SOX5: variants seen among roughly 807,000 people sequenced by gnomAD.
SOX5 encodes transcription factor SOX-5.
In SOX5, 9 loss-of-function variants were observed where a neutral mutation model predicts 92.0. The observed-to-expected ratio is 0.10, with a 90% CI of 0.06 to 0.17. The LOEUF (loss-of-function observed/expected upper bound fraction) is 0.17, where lower values mean the gene tolerates loss of function less well. Among genes scored for constraint, SOX5 ranks in the 10% least tolerant of loss-of-function variants. SOX5 has a pLI of 1.00. For synonymous variants in SOX5, 344 were observed against 336.3 expected (o/e 1.02, Z -0.25); for missense variants, 642 against 944.5 (o/e 0.68, Z 4.20).
chr12:23,635,872 T>C (rs1321848023), intron 8 of SOX5, among the ~76,000 whole-genome samples: 2 of 151,906 alleles, frequency 1.3e-5, no homozygotes, highest in Non-Finnish European at 2.9e-5. Flanking sequence ...TATTAGTAGG[T>C]GGAATGAAAA....
At chr12:24,323,143 T>C (rs1162072795) in intron 2 of SOX5, among the ~76,000 whole-genome samples, 2 of 151,930 alleles carry the variant, frequency 1.3e-5, no homozygotes, top group African/African-American at 4.8e-5. Flanking sequence ...CCTATGGAGG[T>C]CATTAATCTG....
chr12:23,956,702 G>T (rs1376936261), intron 4 of SOX5, among the ~76,000 whole-genome samples: 2 of 151,598 alleles, frequency 1.3e-5, no homozygotes, highest in Non-Finnish European at 2.9e-5. Context: ...TTTAAGGGGA[G>T]GGGGACAGAG....
At chr12:23,701,333 G>A (rs1008943513) in intron 6 of SOX5, among the ~76,000 whole-genome samples, 1 of 151,546 alleles carries the variant, frequency 6.6e-6, no homozygotes, top group Admixed American at 6.6e-5. Context: ...AAGAGAAATT[G>A]GAATTCTGAG....
At chr12:23,607,524 CT>C (rs1282354002) in intron 8 of SOX5, among the ~76,000 whole-genome samples, 1 of 127,872 alleles carries the variant, frequency 7.8e-6, no homozygotes, top group Non-Finnish European at 1.9e-5. Context: ...AATTATGCTC[CT>C]TTTTCTCTCC....
chr12:23,578,141 A>AAAAAAAAAAAAAAAAAAC (rs1565983838), intron 9 of SOX5, among the ~76,000 whole-genome samples: 2 of 136,272 alleles, frequency 1.5e-5, no homozygotes, highest in African/African-American at 5.4e-5. Context: ...AAAAAAAAAA[A>AAAAAAAAAAAAAAAAAAC]AAAAAAAAAC....
intron 1 of SOX5, among the ~76,000 whole-genome samples, chr12:24,482,981 TA>T (rs1434157889): frequency 1.3e-5 from 2 of 152,146 alleles, no homozygotes; most frequent in South Asian, 4.1e-4. Flanking sequence ...AACATATGTG[TA>T]AAAAACATAT....
intron 9 of SOX5, among the ~76,000 whole-genome samples, chr12:23,591,949 T>C (rs1240340051): frequency 6.6e-6 from 1 of 151,984 alleles, no homozygotes; most frequent in Non-Finnish European, 1.5e-5. Flanking sequence ...TTCTCCTATT[T>C]ATGAAATATC....
At chr12:24,173,508 T>C (rs1378869361) in intron 4 of SOX5, among the ~76,000 whole-genome samples, 1 of 152,248 alleles carries the variant, frequency 6.6e-6, no homozygotes, top group Non-Finnish European at 1.5e-5. Flanking sequence ...CCTTTTCTGC[T>C]CATATTAGTT....
chr12:24,297,083 C>T (rs139694768), intron 2 of SOX5, among the ~76,000 whole-genome samples: 14 of 152,202 alleles, frequency 9.2e-5, no homozygotes, highest in African/African-American at 3.1e-4. Flanking sequence ...TATGCTAAGT[C>T]GTTTACAGTT....
intron 2 of SOX5, among the ~76,000 whole-genome samples, chr12:24,353,463 AG>A (rs1954373020): frequency 2.0e-5 from 3 of 152,154 alleles, no homozygotes. Context: ...AGTACAGAAA[AG>A]TTTGAAGCTA....
chr12:24,511,754 C>T (rs1435852703), intron 1 of SOX5, among the ~76,000 whole-genome samples: 2 of 151,950 alleles, frequency 1.3e-5, no homozygotes, highest in Admixed American at 1.3e-4. Context: ...GTCAGGAGAT[C>T]AAGACCATCC....
At chr12:24,366,424 T>C (rs1393940259) in intron 2 of SOX5, among the ~76,000 whole-genome samples, 1 of 152,090 alleles carries the variant, frequency 6.6e-6, no homozygotes, top group Non-Finnish European at 1.5e-5. Context: ...CATCTTCTCT[T>C]TTTCAGCTTG....
At chr12:24,008,829 T>C (rs1257744628) in intron 4 of SOX5, among the ~76,000 whole-genome samples, 1 of 152,186 alleles carries the variant, frequency 6.6e-6, no homozygotes, top group Non-Finnish European at 1.5e-5. Flanking sequence ...TATACCCCTG[T>C]GGACTCACCT....
intron 4 of SOX5, among the ~76,000 whole-genome samples, chr12:24,025,753 A>T (rs1198950170): frequency 6.6e-6 from 1 of 152,110 alleles, no homozygotes; most frequent in African/African-American, 2.4e-5. Context: ...CACCTAAAAA[A>T]TACCAATGAC....
intron 4 of SOX5, among the ~76,000 whole-genome samples, chr12:23,993,101 C>T (rs1566333): frequency 0.1 from 15,269 of 152,098 alleles, 1,000 homozygotes; most frequent in East Asian, 0.2. Flanking sequence ...AGTGACTGAG[C>T]GTTTAATACT....
intron 9 of SOX5, among the ~76,000 whole-genome samples, chr12:23,594,059 T>C (rs1315057469): frequency 6.6e-6 from 1 of 152,206 alleles, no homozygotes; most frequent in Non-Finnish European, 1.5e-5. Context: ...TTAAAATGAA[T>C]ACTCATGTAA....
chr12:24,017,385 G>A (rs534621907), intron 4 of SOX5, among the ~76,000 whole-genome samples: 29 of 152,054 alleles, frequency 1.9e-4, no homozygotes, highest in African/African-American at 6.5e-4. Flanking sequence ...GATCACTTGA[G>A]GCCAGTTCAA....
In SOX5 at chr12:23,534,461, C is replaced by G; in HGVS notation, c.2050G>C (p.Ala684Pro). 1 of 1,614,004 alleles carries G rather than the reference C, an allele frequency of 6.2e-7. No homozygotes were observed. Among genetic ancestry groups the G allele is most frequent in the Non-Finnish European group, 8.5e-7 (1 of 1,179,996 alleles). Reference protein sequence around the residue: ...GVVYPGAIAMAGMPSPHLPSE... With the variant: ...GVVYPGAIAMPGMPSPHLPSE... The stretch of plus-strand genomic sequence containing the variant: ...GGCAGGTGAGGGGAGGGCATCCCAG[C>G]CATGGCGATGGCTCCAGGGTACACA... Residue 684 changes from alanine to proline, a missense_variant, in exon 15 of 15, where the codon GCT (alanine) becomes CCT (proline). Ala to Pro is a conservative substitution (Grantham distance 27). Around this residue, in one of 8 missense-constraint regions of SOX5, gnomAD observed 130 missense variants for 140.6 expected, o/e 0.92. Coordinates refer to ENST00000451604, the MANE Select transcript of SOX5 (RefSeq NM_006940.6).
chr12:23,693,877 C>G (rs140462340), intron 6 of SOX5, among the ~76,000 whole-genome samples: 84 of 152,228 alleles, frequency 5.5e-4, no homozygotes, highest in Non-Finnish European at 1.8e-4. Context: ...TCTTTGCTTT[C>G]CATTCAAACT....
Sources: allele counts gnomAD v4.1 joint callset (sites outside exome capture counted in the v4.1 genomes callset), GRCh38; gene constraint gnomAD v4.1.1; regional missense constraint gnomAD v4.1.1; transcripts MANE v1.5; gene names NCBI Gene and HGNC (gene_info 2026-07-23, HGNC 2026-07-21).